GRM1: variants seen among roughly 807,000 people sequenced by gnomAD.
GRM1 encodes the protein metabotropic glutamate receptor 1.
GRM1 carries 33 observed loss-of-function variants against 90.9 expected under a neutral mutation model. The observed-to-expected ratio is 0.36, with a 90% CI of 0.28 to 0.49. The LOEUF (loss-of-function observed/expected upper bound fraction) is 0.49, where lower values mean the gene tolerates loss of function less well. Ranked by LOEUF, GRM1 falls within the 20% of genes least tolerant of loss-of-function variation. GRM1 has a pLI of 0.99. For synonymous variants in GRM1, 700 were observed against 613.2 expected (o/e 1.14, Z -2.09); for missense variants, 1,190 against 1,534.3 (o/e 0.78, Z 3.75).
rs56671618 is a variant in GRM1 at position 146,244,907 on chromosome 6, A to C, written c.951-59704A>C. 8.7e-3 allele frequency among the ~76,000 whole-genome samples: 1,329 copies of C among 152,344 alleles called. 25 individuals carry two copies. The highest frequency in any genetic ancestry group is 0.03 in the African/African-American group (1,233 of 41,578). On this transcript the variant is annotated intron_variant, in intron 2 of 7. Coordinates refer to ENST00000282753, the MANE Select transcript of GRM1 (RefSeq NM_001278064.2). ...GCAAACCTTTGGGTAGTTCTCAGCT[A>C]CTGCTGATAATTCAGAATAGAGCAG...
chr6:146,139,748 T>C (rs1776765037), intron 1 of GRM1, among the ~76,000 whole-genome samples: 1 of 152,202 alleles, frequency 6.6e-6, no homozygotes, highest in Admixed American at 6.5e-5. Context: ...GTCTTATTTA[T>C]TTTAATCCTT....
chr6:146,033,223 G>A (rs1790768536), intron 1 of GRM1, among the ~76,000 whole-genome samples: 1 of 152,082 alleles, frequency 6.6e-6, no homozygotes, highest in African/African-American at 2.4e-5. Flanking sequence ...CACAAATAAA[G>A]TTTGAATGCA....
intron 2 of GRM1, among the ~76,000 whole-genome samples, chr6:146,302,561 T>G (rs1393361846): frequency 1.3e-5 from 2 of 151,504 alleles, no homozygotes; most frequent in Non-Finnish European, 2.9e-5. Context: ...ATTTATTTAT[T>G]TATTTATTTT....
intron 7 of GRM1, among the ~76,000 whole-genome samples, chr6:146,411,164 G>A (rs970622521): frequency 6.6e-6 from 1 of 152,138 alleles, no homozygotes; most frequent in South Asian, 2.1e-4. Flanking sequence ...TGAGAAGTAC[G>A]GGTGTTATGG....
intron 2 of GRM1, among the ~76,000 whole-genome samples, chr6:146,185,532 G>A (rs1405926154): frequency 6.6e-6 from 1 of 152,132 alleles, no homozygotes. Flanking sequence ...TGGAAAATAT[G>A]CCTTCTTTCA....
chr6:146,434,619 A>G lies in GRM1; in HGVS notation c.3408A>G (p.Lys1136=), dbSNP rs1040774327. The change falls in exon 8 of 8, where the codon AAA becomes AAG. Residue 1136 remains lysine (K), a synonymous_variant. Transcript: ENST00000282753. ...AGGAGGACCTGCAGGCGGCCAGCAA[A>G]CTGACCCCGGATGATTCGCCTGCGC... ...EEEEDLQAAS[K]LTPDDSPALT... is the part of the protein sequence containing the mutation. 3.1e-6 allele frequency: 5 copies of G among 1,612,632 alleles called. No individual in the cohort carries two copies. The highest frequency in any genetic ancestry group is 2.2e-5 in the East Asian group (1 of 44,880).
At position 146,305,635 on chromosome 6, in the gene GRM1, A is replaced by G. The variant is rs73577174; in HGVS notation, c.1186+789A>G. Reference sequence around the variant, plus strand: ...AAAGCCAGTTGTTCTTACTGGGTCGATAGCATAGAATAATGGAGCACTCAT... The same window carrying G: ...AAAGCCAGTTGTTCTTACTGGGTCGGTAGCATAGAATAATGGAGCACTCAT... On this transcript the variant is annotated intron_variant, in intron 3 of 7. Coordinates refer to ENST00000282753, the MANE Select transcript of GRM1 (RefSeq NM_001278064.2). 8.5e-3 allele frequency among the ~76,000 whole-genome samples: 1,299 copies of G among 152,312 alleles called. 20 individuals are homozygous for G. The highest frequency in any genetic ancestry group is 0.03 in the African/African-American group (1,233 of 41,566).
intron 6 of GRM1, among the ~76,000 whole-genome samples, chr6:146,393,294 G>A (rs1459982085): frequency 1.3e-5 from 2 of 152,084 alleles, no homozygotes; most frequent in African/African-American, 4.8e-5. Flanking sequence ...GTGATGATGA[G>A]CTTTTTTTCA....
chr6:146,271,228 TCTC>T (rs1782151336), intron 2 of GRM1, among the ~76,000 whole-genome samples: 1 of 151,962 alleles, frequency 6.6e-6, no homozygotes, highest in Non-Finnish European at 1.5e-5. Flanking sequence ...ATGGTCTTGA[TCTC>T]CTGACCTCAT....
At chr6:146,057,042 T>C (rs932547479) in intron 1 of GRM1, among the ~76,000 whole-genome samples, 2 of 152,168 alleles carry the variant, frequency 1.3e-5, no homozygotes, top group Non-Finnish European at 2.9e-5. Flanking sequence ...TCCTAGTAAA[T>C]ATTCTGTTTT....
chr6:146,106,691 C>A (rs555336081), intron 1 of GRM1, among the ~76,000 whole-genome samples: 2 of 152,314 alleles, frequency 1.3e-5, no homozygotes, highest in South Asian at 4.1e-4. Context: ...TGACTGCCAA[C>A]AAAATCCTTT....
chr6:146,256,225 T>C (rs1028469456), intron 2 of GRM1, among the ~76,000 whole-genome samples: 1 of 152,200 alleles, frequency 6.6e-6, no homozygotes. Flanking sequence ...GCCCATATCC[T>C]AGGGTCTTCT....
chr6:146,060,244 T>G (rs569566926), intron 1 of GRM1, among the ~76,000 whole-genome samples: 73 of 151,494 alleles, frequency 4.8e-4, no homozygotes, highest in South Asian at 3.6e-3. Flanking sequence ...GGTTTCTGTG[T>G]TTTTTTTTAA....
chr6:146,415,427 A>T (rs1777745226), intron 7 of GRM1, among the ~76,000 whole-genome samples: 1 of 152,164 alleles, frequency 6.6e-6, no homozygotes, highest in African/African-American at 2.4e-5. Flanking sequence ...TTTTTTTCTA[A>T]ATATACATTC....
chr6:146,147,107 C>A, intron 1 of GRM1, among the ~76,000 whole-genome samples: 1 of 152,192 alleles, frequency 6.6e-6, no homozygotes, highest in East Asian at 1.9e-4. Flanking sequence ...GGTCACTTTG[C>A]TTCTCTAGCT....
chr6:146,332,588 A>G (rs1482249971), intron 3 of GRM1, among the ~76,000 whole-genome samples: 1 of 152,146 alleles, frequency 6.6e-6, no homozygotes, highest in Non-Finnish European at 1.5e-5. Context: ...AATGGCCCAT[A>G]TGGTTTGGAA....
At chr6:146,121,998 T>C (rs1273687598) in intron 1 of GRM1, among the ~76,000 whole-genome samples, 1 of 152,178 alleles carries the variant, frequency 6.6e-6, no homozygotes, top group Non-Finnish European at 1.5e-5. Flanking sequence ...GTTAACTTTC[T>C]GTCTCGTTGA....
At chr6:146,418,160 T>C (rs1777853861) in intron 7 of GRM1, among the ~76,000 whole-genome samples, 1 of 152,126 alleles carries the variant, frequency 6.6e-6, no homozygotes, top group South Asian at 2.1e-4. Flanking sequence ...CCAAATTCTG[T>C]CATTTACATT....
intron 7 of GRM1, among the ~76,000 whole-genome samples, chr6:146,411,619 C>T (rs78316510): frequency 0.013 from 1,947 of 152,268 alleles, 46 homozygotes; most frequent in African/African-American, 0.045. Context: ...TGAGCCTGAG[C>T]TCCAGGAGGA....
Sources: allele counts gnomAD v4.1 joint callset (sites outside exome capture counted in the v4.1 genomes callset), GRCh38; gene constraint gnomAD v4.1.1; transcripts MANE v1.5; gene names NCBI Gene and HGNC (gene_info 2026-07-23, HGNC 2026-07-21).